The following CLEC16A variants were observed in gnomAD, a reference collection of about 807,000 sequenced individuals.
The protein encoded by CLEC16A is C-type lectin domain containing 16A.
In CLEC16A, 51 loss-of-function variants were observed where a neutral mutation model predicts 109.5. The ratio of observed to expected loss-of-function variants is 0.47; its 90% CI spans 0.37 to 0.59. CLEC16A has a LOEUF of 0.59. Ranked by LOEUF, CLEC16A falls within the 20% of genes least tolerant of loss-of-function variation. The pLI is 0.00. For synonymous variants in CLEC16A, 673 were observed against 564.2 expected, an observed-to-expected ratio of 1.19 and a Z score of -2.73; for missense variants, 1,339 against 1,394.0, an observed-to-expected ratio of 0.96 and a Z score of 0.63.
chr16:10,980,183 C>T (rs1181505106), intron 9 of CLEC16A, among the ~76,000 whole-genome samples: 1 of 152,138 alleles, frequency 6.6e-6, no homozygotes, highest in African/African-American at 2.4e-5. Context: ...TGGGGCGGGG[C>T]TTTGTCTTTT....
intron 19 of CLEC16A, among the ~76,000 whole-genome samples, chr16:11,111,454 C>T (rs1424641669): frequency 6.6e-6 from 1 of 152,162 alleles, no homozygotes. Flanking sequence ...CAAAGCATCA[C>T]TTCCATTGGT....
intron 19 of CLEC16A, among the ~76,000 whole-genome samples, chr16:11,069,565 G>C (rs1164825100): frequency 2.0e-5 from 3 of 151,004 alleles, no homozygotes; most frequent in Non-Finnish European, 4.4e-5. Context: ...AGCCTCCTGA[G>C]TAACTGAGAT....
intron 22 of CLEC16A, among the ~76,000 whole-genome samples, chr16:11,137,587 TAAAAAAAAA>T (rs5815617): frequency 5.9e-4 from 35 of 59,312 alleles, no homozygotes; most frequent in African/African-American, 2.0e-3. Flanking sequence ...AGACTCCATC[TAAAAAAAAA>T]AAAAAAAAAA....
intron 1 of CLEC16A, among the ~76,000 whole-genome samples, chr16:10,948,699 CA>C (rs1421949549): frequency 6.6e-6 from 1 of 152,162 alleles, no homozygotes; most frequent in Non-Finnish European, 1.5e-5. Flanking sequence ...CCTTAAGCCT[CA>C]AATGGATTGA....
chr16:11,023,691 A>G (rs1332916638), intron 12 of CLEC16A, among the ~76,000 whole-genome samples: 1 of 152,098 alleles, frequency 6.6e-6, no homozygotes, highest in Non-Finnish European at 1.5e-5. Context: ...AACTGTGTCA[A>G]AGGTTATATA....
At chr16:11,110,788 C>T (rs772471708) in intron 19 of CLEC16A, among the ~76,000 whole-genome samples, 1 of 152,184 alleles carries the variant, frequency 6.6e-6, no homozygotes, top group Non-Finnish European at 1.5e-5. Context: ...AAACCTGAGA[C>T]TCAGAAAAGG....
Position 11,123,822 on chromosome 16 carries a change from C to T in CLEC16A, c.2349C>T (p.Ser783=). 1 of 1,614,048 alleles carries T rather than the reference C, an allele frequency of 6.2e-7. No homozygotes were observed. Among genetic ancestry groups the T allele is most frequent in the Non-Finnish European group, 8.5e-7 (1 of 1,179,902 alleles). The part of the protein sequence containing the change: ...TIHKPASSPH[S]KPFPILQATF... ...ACAAGCCTGCGTCCAGCCCCCATTC[C>T]AAGCCCTTCCCCATCCTCCAGGCCA... The change falls in exon 21 of 24, where the codon TCC becomes TCT. Residue 783 remains serine (S), a synonymous_variant. Coordinates refer to ENST00000409790, the MANE Select transcript of CLEC16A (RefSeq NM_015226.3).
intron 19 of CLEC16A, among the ~76,000 whole-genome samples, chr16:11,090,811 ATTTTTTTTTT>A (rs71136616): frequency 6.2e-5 from 5 of 80,704 alleles, no homozygotes; most frequent in South Asian, 4.7e-4. Flanking sequence ...TACCCAGCTA[ATTTTTTTTTT>A]TTTTTTTTTT....
chr16:11,137,021 G>T (rs2053599402), intron 22 of CLEC16A, among the ~76,000 whole-genome samples: 1 of 152,190 alleles, frequency 6.6e-6, no homozygotes. Flanking sequence ...CTGGAAATCA[G>T]GTGAGCTTTG....
chr16:11,030,805 C>T (rs976822336), intron 13 of CLEC16A, among the ~76,000 whole-genome samples: 19 of 152,088 alleles, frequency 1.2e-4, no homozygotes, highest in Non-Finnish European at 1.9e-4. Context: ...CCACCACGCC[C>T]GGCTGATTTT....
intron 23 of CLEC16A, among the ~76,000 whole-genome samples, chr16:11,176,093 C>G (rs2068736168): frequency 6.6e-6 from 1 of 152,256 alleles, no homozygotes. Context: ...CCATTCGAAG[C>G]AAGGGCAGAG....
chr16:10,973,657 C>T (rs183999880), intron 7 of CLEC16A, among the ~76,000 whole-genome samples: 2 of 151,092 alleles, frequency 1.3e-5, no homozygotes, highest in Non-Finnish European at 3.0e-5. Context: ...CAGCCTTGAC[C>T]TCCTAGGTTT....
chr16:10,968,911 CT>C (rs573062604), intron 3 of CLEC16A, among the ~76,000 whole-genome samples: 3 of 151,630 alleles, frequency 2.0e-5, no homozygotes, highest in Non-Finnish European at 4.4e-5. Flanking sequence ...GTTGGAGTGT[CT>C]TTTTTTTATT....
At chr16:11,127,402 T>A (rs1458138923) in intron 22 of CLEC16A, among the ~76,000 whole-genome samples, 1 of 152,174 alleles carries the variant, frequency 6.6e-6, no homozygotes, top group Non-Finnish European at 1.5e-5. Context: ...ATCCTTAGGG[T>A]GTCTTTGTGT....
chr16:11,114,972 C>A (rs1022885697), intron 19 of CLEC16A, among the ~76,000 whole-genome samples: 1 of 152,230 alleles, frequency 6.6e-6, no homozygotes, highest in East Asian at 1.9e-4. Context: ...TGTGTTCTCA[C>A]AGGGCTTTGA....
chr16:10,958,840 G>C (rs1298178953), intron 2 of CLEC16A, among the ~76,000 whole-genome samples: 1 of 152,136 alleles, frequency 6.6e-6, no homozygotes, highest in Non-Finnish European at 1.5e-5. Flanking sequence ...GGAGGTCCAG[G>C]CTGCAATGAG....
rs984953332 is a variant in CLEC16A, at chr16:11,174,298, G to A, written c.2807-4037G>A. The A allele has an allele frequency of 3.1e-5, 14 of 446,592 alleles. No individual in the cohort carries two copies. The East Asian group carries it at 6.5e-4, about 21-fold the overall frequency. 27.7% of individuals were successfully genotyped at this position (446,592 alleles called of 1,614,324 possible). ...TTCAGGCAGGTCTCCCCTGTGAGCC[G>A]CTCGGGCCGCGACGTCCACTCGCCA... On this transcript the variant is annotated intron_variant, in intron 23 of 23. Transcript: ENST00000409790. This position sits in a 1 kb window ranked among gnomAD's most constrained non-coding sequence, Gnocchi z 4.7.
chr16:11,030,350 G>T (rs961505110), intron 13 of CLEC16A, among the ~76,000 whole-genome samples: 1 of 152,192 alleles, frequency 6.6e-6, no homozygotes, highest in Non-Finnish European at 1.5e-5. Flanking sequence ...CTGCCAAACT[G>T]TTTTCCAAGA....
At chr16:11,102,502 C>G (rs1355118144) in intron 19 of CLEC16A, among the ~76,000 whole-genome samples, 1 of 152,260 alleles carries the variant, frequency 6.6e-6, no homozygotes, top group African/African-American at 2.4e-5. Context: ...TAAGCATTCA[C>G]TCTGTGAACT....
Sources: allele counts gnomAD v4.1 joint callset (sites outside exome capture counted in the v4.1 genomes callset), GRCh38; gene constraint gnomAD v4.1.1; non-coding constraint Gnocchi (gnomAD v3.1); transcripts MANE v1.5; gene names NCBI Gene and HGNC (gene_info 2026-07-23, HGNC 2026-07-21).